The following NFATC3 variants were observed in gnomAD, a reference collection of about 807,000 sequenced individuals.
NFATC3 encodes the protein nuclear factor of activated T cells 3.
In NFATC3, 46 loss-of-function variants were observed where a neutral mutation model predicts 98.6. That is an observed-to-expected ratio of 0.47 (90% CI 0.37 to 0.60). NFATC3 has a LOEUF of 0.60. Ranked by LOEUF, NFATC3 falls within the 20% of genes least tolerant of loss-of-function variation. The pLI, the probability that NFATC3 is intolerant of heterozygous loss-of-function variation, is 0.00. For synonymous variants in NFATC3, 512 were observed against 472.2 expected (o/e 1.08, Z -1.09); for missense variants, 1,256 against 1,295.5 (o/e 0.97, Z 0.47).
rs139517754 is a variant in NFATC3, at chr16:68,151,018, C to T, written c.1402-6851C>T. On this transcript the variant is annotated intron_variant, in intron 3 of 9. Coordinates refer to ENST00000346183, the MANE Select transcript of NFATC3 (RefSeq NM_173165.3). ...CTTTCCTTTATAAATTACCCAGTCT[C>T]GGGCAGTTTCTTATAGCAGTATGAG... Among the ~76,000 whole-genome samples the T allele has an allele frequency of 8.3e-3, 1,255 of 152,116 alleles. 17 individuals are homozygous for T. The highest frequency in any genetic ancestry group is 0.028 in the African/African-American group (1,174 of 41,492).
Position 68,190,299 on chromosome 16 carries a change from A to G in NFATC3, c.2099-469A>G, listed in dbSNP as rs577921371. Among the ~76,000 whole-genome samples the G allele has an allele frequency of 3.9e-4, 59 of 152,324 alleles. 1 individual carries two copies. Among genetic ancestry groups the G allele is most frequent in the South Asian group, 1.2e-3 (6 of 4,832 alleles). ...AGTCATGATTTCTGGTATATGATGC[A>G]ACATGTAAAACCAGATGACTTGGTA... is the stretch of plus-strand genomic sequence containing the variant. On this transcript the variant is annotated intron_variant, in intron 8 of 9. Transcript: ENST00000346183.
At chr16:68,094,374 G>T (rs965580778) in intron 1 of NFATC3, among the ~76,000 whole-genome samples, 1 of 151,444 alleles carries the variant, frequency 6.6e-6, no homozygotes, top group Non-Finnish European at 1.5e-5. Context: ...ATGCTCAATA[G>T]TCAGGGTAGT....
At chr16:68,184,613 C>G (rs1235029654) in intron 8 of NFATC3, among the ~76,000 whole-genome samples, 1 of 152,014 alleles carries the variant, frequency 6.6e-6, no homozygotes, top group African/African-American at 2.4e-5. Flanking sequence ...ACCATCCTGG[C>G]TAACATGGTG....
intron 1 of NFATC3, chr16:68,088,972 T>C (rs1390435419): frequency 5.1e-6 from 5 of 985,350 alleles, no homozygotes; most frequent in Admixed American, 1.2e-4. Flanking sequence ...CCCTATATTT[T>C]GTTAAATAAG....
At chr16:68,092,452 CAA>C (rs1239654596) in intron 1 of NFATC3, among the ~76,000 whole-genome samples, 8 of 118,232 alleles carry the variant, frequency 6.8e-5, no homozygotes, top group Non-Finnish European at 3.5e-5. Context: ...AACTCTCTCT[CAA>C]AAAAAAAAAA....
At chr16:68,120,244 C>T (rs1484792620) in intron 1 of NFATC3, among the ~76,000 whole-genome samples, 6 of 147,846 alleles carry the variant, frequency 4.1e-5, no homozygotes, top group African/African-American at 1.5e-4. Flanking sequence ...TGCACCACTG[C>T]ACTCCAGCCT....
chr16:68,187,405 A>G (rs565378103), intron 8 of NFATC3, among the ~76,000 whole-genome samples: 3 of 151,832 alleles, frequency 2.0e-5, no homozygotes, highest in Admixed American at 6.6e-5. Flanking sequence ...TTGTATTACA[A>G]CTCTTTCAGC....
chr16:68,202,069 A>G (rs1393623795), intron 9 of NFATC3, among the ~76,000 whole-genome samples: 1 of 151,680 alleles, frequency 6.6e-6, no homozygotes, highest in Non-Finnish European at 1.5e-5. Flanking sequence ...GAATCCTGTT[A>G]CAACTTTCCA....
At chr16:68,184,324 TAAA>T (rs1452069652) in intron 8 of NFATC3, among the ~76,000 whole-genome samples, 2 of 152,044 alleles carry the variant, frequency 1.3e-5, no homozygotes, top group Non-Finnish European at 2.9e-5. Flanking sequence ...GGAAAGAAGA[TAAA>T]GAAGATGGAT....
At chr16:68,188,770 A>G (rs959180284) in intron 8 of NFATC3, among the ~76,000 whole-genome samples, 28 of 152,116 alleles carry the variant, frequency 1.8e-4, no homozygotes, top group African/African-American at 6.5e-4. Context: ...ATGCAATGGT[A>G]CTATCTCGTT....
intron 9 of NFATC3, 130 bp from the exon 10 acceptor site, chr16:68,226,220 C>T (rs1387521741): frequency 9.0e-6 from 10 of 1,112,508 alleles, no homozygotes; most frequent in Admixed American, 3.2e-5. Flanking sequence ...CAGGAGCAGG[C>T]TTCAGACACT....
At chr16:68,163,770 T>C (rs2039034670) in intron 4 of NFATC3, among the ~76,000 whole-genome samples, 6 of 129,386 alleles carry the variant, frequency 4.6e-5, no homozygotes, top group Admixed American at 7.9e-5. Flanking sequence ...GACGGGGCGG[T>C]GGGGCAGAGG....
intron 9 of NFATC3, among the ~76,000 whole-genome samples, chr16:68,203,887 C>A (rs561179930): frequency 3.3e-5 from 5 of 152,010 alleles, no homozygotes; most frequent in Non-Finnish European, 7.4e-5. Flanking sequence ...TTCGTCTCTA[C>A]TAAAAACAGT....
chr16:68,160,182 G>A (rs1406522621), intron 4 of NFATC3, among the ~76,000 whole-genome samples: 1 of 152,144 alleles, frequency 6.6e-6, no homozygotes. Flanking sequence ...CATAGAAACT[G>A]ATATGTTTCT....
chr16:68,105,500 G>A (rs534223203), intron 1 of NFATC3, among the ~76,000 whole-genome samples: 75 of 152,090 alleles, frequency 4.9e-4, no homozygotes, highest in South Asian at 6.2e-4. Flanking sequence ...CTTTTTTAAT[G>A]TGCTCTTGGA....
intron 1 of NFATC3, chr16:68,089,209 G>A (rs746230540): frequency 1.0e-4 from 100 of 985,284 alleles, no homozygotes; most frequent in Non-Finnish European, 1.2e-4. Flanking sequence ...TGAGGTAAGT[G>A]GATAGAGAGT....
intron 9 of NFATC3, among the ~76,000 whole-genome samples, chr16:68,210,784 G>GT (rs1162893283): frequency 2.6e-4 from 39 of 151,856 alleles, no homozygotes; most frequent in East Asian, 9.7e-4. Context: ...TAGTTTTTTT[G>GT]TTTTTTTGTT....
chr16:68,143,448 A>G (rs1173448139), intron 3 of NFATC3, among the ~76,000 whole-genome samples: 1 of 152,168 alleles, frequency 6.6e-6, no homozygotes, highest in Non-Finnish European at 1.5e-5. Flanking sequence ...TTGTCTTTTT[A>G]GTAAATAGTG....
At chr16:68,184,171 A>G (rs1011400017) in intron 8 of NFATC3, among the ~76,000 whole-genome samples, 1 of 152,184 alleles carries the variant, frequency 6.6e-6, no homozygotes. Flanking sequence ...TACATGAGAT[A>G]AGTCCAAGAA....
Sources: allele counts gnomAD v4.1 joint callset (sites outside exome capture counted in the v4.1 genomes callset), GRCh38; gene constraint gnomAD v4.1.1; transcripts MANE v1.5; gene names NCBI Gene and HGNC (gene_info 2026-07-23, HGNC 2026-07-21).